The following NRXN1 variants were observed in gnomAD, a reference collection of about 807,000 sequenced individuals.
NRXN1 encodes the protein neurexin 1, also known as neurexin-1.
NRXN1 carries 39 observed loss-of-function variants against 150.9 expected under a neutral mutation model. The observed-to-expected ratio is 0.26, with a 90% CI of 0.20 to 0.34. The LOEUF is 0.34. Among genes scored for constraint, NRXN1 ranks in the 10% least tolerant of loss-of-function variants. The pLI is 1.00. For missense variants in NRXN1, 1,815 were observed against 1,949.9 expected, an observed-to-expected ratio of 0.93 and a Z score of 1.30; for synonymous variants, 924 against 757.0, an observed-to-expected ratio of 1.22 and a Z score of -3.62.
chr2:50,274,783 T>TA (rs144311072), intron 17 of NRXN1, among the ~76,000 whole-genome samples: 1,727 of 150,980 alleles, frequency 0.011, 40 homozygotes, highest in African/African-American at 0.039. Flanking sequence ...TTCAACTACT[T>TA]AAAAAAAAAC....
intron 5 of NRXN1, among the ~76,000 whole-genome samples, chr2:50,722,260 C>A (rs185939700): frequency 6.6e-6 from 1 of 152,080 alleles, no homozygotes; most frequent in African/African-American, 2.4e-5. Context: ...AATTGAGGGT[C>A]TTCACAGCAA....
chr2:49,962,593 C>T (rs1007586918), intron 21 of NRXN1, among the ~76,000 whole-genome samples: 5 of 152,094 alleles, frequency 3.3e-5, no homozygotes, highest in East Asian at 1.9e-4. Context: ...GAGTAGATGA[C>T]CTTTCATATT....
intron 18 of NRXN1, among the ~76,000 whole-genome samples, chr2:50,132,981 C>T (rs1047190372): frequency 4.6e-5 from 7 of 151,740 alleles, no homozygotes; most frequent in South Asian, 2.1e-4. Flanking sequence ...AAAGGAGCTG[C>T]GTAACATTAT....
At chr2:50,072,300 C>A (rs555568531) in intron 19 of NRXN1, among the ~76,000 whole-genome samples, 20 of 151,872 alleles carry the variant, frequency 1.3e-4, no homozygotes, top group African/African-American at 4.6e-4. Flanking sequence ...CAGTGCAAAA[C>A]AAACAATAAA....
chr2:50,915,618 G>T (rs1315965325), intron 5 of NRXN1, among the ~76,000 whole-genome samples: 3 of 151,470 alleles, frequency 2.0e-5, no homozygotes, highest in Admixed American at 2.0e-4. Flanking sequence ...TGGGTGTCTA[G>T]TTAGTTTCAA....
At chr2:50,462,902 G>A (rs1473862486) in intron 17 of NRXN1, among the ~76,000 whole-genome samples, 1 of 151,744 alleles carries the variant, frequency 6.6e-6, no homozygotes, top group Admixed American at 6.6e-5. Context: ...ATGACATTTA[G>A]AAATTCTATT....
intron 17 of NRXN1, among the ~76,000 whole-genome samples, chr2:50,249,385 C>A (rs1204551478): frequency 6.6e-6 from 1 of 151,758 alleles, no homozygotes; most frequent in Admixed American, 6.6e-5. Context: ...CATTTTGACA[C>A]AAACAAACAA....
intron 5 of NRXN1, among the ~76,000 whole-genome samples, chr2:50,836,248 T>C (rs1430698214): frequency 6.6e-6 from 1 of 152,142 alleles, no homozygotes; most frequent in Non-Finnish European, 1.5e-5. Context: ...TAGGGTACAA[T>C]GTGTTGTTTT....
At chr2:50,723,236 A>C (rs1574245837) in intron 5 of NRXN1, among the ~76,000 whole-genome samples, 1 of 152,334 alleles carries the variant, frequency 6.6e-6, no homozygotes, top group South Asian at 2.1e-4. Flanking sequence ...AGTAACTAAA[A>C]ACAAATGCAG....
intron 18 of NRXN1, among the ~76,000 whole-genome samples, chr2:50,166,080 C>T (rs1021557208): frequency 2.6e-5 from 4 of 152,124 alleles, no homozygotes; most frequent in Admixed American, 2.6e-4. Context: ...AATTTGAAAT[C>T]CAAAATGCTC....
chr2:50,286,429 C>T (rs1450886172), intron 17 of NRXN1, among the ~76,000 whole-genome samples: 1 of 152,174 alleles, frequency 6.6e-6, no homozygotes, highest in Non-Finnish European at 1.5e-5. Context: ...TAATGTCCCC[C>T]AGTTTTTCCA....
chr2:50,846,341 C>T (rs921255989), intron 5 of NRXN1, among the ~76,000 whole-genome samples: 1 of 152,152 alleles, frequency 6.6e-6, no homozygotes, highest in Non-Finnish European at 1.5e-5. Flanking sequence ...AAGGAATGCT[C>T]CTCACTCCAA....
chr2:49,964,070 T>C (rs1277600384), intron 21 of NRXN1, among the ~76,000 whole-genome samples: 2 of 152,128 alleles, frequency 1.3e-5, no homozygotes, highest in Non-Finnish European at 2.9e-5. Context: ...AAGCCTGAAG[T>C]TCAGGGAATG....
intron 22 of NRXN1, among the ~76,000 whole-genome samples, chr2:49,924,165 T>C (rs145200919): frequency 6.6e-5 from 10 of 152,332 alleles, no homozygotes; most frequent in African/African-American, 2.4e-4. Context: ...GAGCATTCTT[T>C]TACTATGGTG....
chr2:49,934,801 T>C (rs930984127), intron 22 of NRXN1, among the ~76,000 whole-genome samples: 4 of 152,094 alleles, frequency 2.6e-5, no homozygotes, highest in Non-Finnish European at 5.9e-5. Flanking sequence ...CTCTCTCTCT[T>C]TTTGTTTAGT....
intron 5 of NRXN1, among the ~76,000 whole-genome samples, chr2:50,642,812 A>G (rs1237412578): frequency 1.3e-5 from 2 of 151,976 alleles, no homozygotes. Flanking sequence ...GGAATGGTCT[A>G]TTACTAGACA....
At chr2:49,952,126 C>T (rs1573013585) in intron 21 of NRXN1, among the ~76,000 whole-genome samples, 4 of 151,976 alleles carry the variant, frequency 2.6e-5, no homozygotes, top group East Asian at 1.9e-4. Context: ...TGAGATTATC[C>T]GACTCCCAGT....
chr2:50,431,833 T>A (rs753573054), intron 17 of NRXN1, among the ~76,000 whole-genome samples: 44 of 137,428 alleles, frequency 3.2e-4, no homozygotes, highest in Non-Finnish European at 5.1e-4. Flanking sequence ...GGTTCTCAAC[T>A]TTTTTTTTTC....
intron 21 of NRXN1, among the ~76,000 whole-genome samples, chr2:49,994,405 T>C (rs905160144): frequency 6.6e-6 from 1 of 152,204 alleles, no homozygotes; most frequent in African/African-American, 2.4e-5. Context: ...TTTGGGAAAG[T>C]CCTTGTAAGG....
Sources: allele counts gnomAD v4.1 joint callset (sites outside exome capture counted in the v4.1 genomes callset), GRCh38; gene constraint gnomAD v4.1.1; transcripts MANE v1.5; gene names NCBI Gene and HGNC (gene_info 2026-07-23, HGNC 2026-07-21).